Variants in LRBA observed in about 807,000 individuals in gnomAD.
The protein encoded by LRBA is lipopolysaccharide-responsive and beige-like anchor protein.
LRBA carries 176 observed loss-of-function variants against 330.0 expected under a neutral mutation model. The observed-to-expected ratio is 0.53, with a 90% CI of 0.47 to 0.60. LRBA has a LOEUF of 0.60. Ranked by LOEUF, LRBA falls within the 20% of genes least tolerant of loss-of-function variation. The pLI, the probability that LRBA is intolerant of heterozygous loss-of-function variation, is 0.00. For missense variants in LRBA, 3,259 were observed against 3,444.8 expected (o/e 0.95, Z 1.35); for synonymous variants, 1,230 against 1,193.0 (o/e 1.03, Z -0.64).
intron 43 of LRBA, among the ~76,000 whole-genome samples, chr4:150,470,668 A>G (rs1314561390): frequency 6.6e-6 from 1 of 151,788 alleles, no homozygotes. Context: ...TTGCACCACC[A>G]TTTTCCCACT....
intron 56 of LRBA, among the ~76,000 whole-genome samples, chr4:150,276,707 A>T (rs1337918738): frequency 6.6e-6 from 1 of 152,252 alleles, no homozygotes; most frequent in East Asian, 1.9e-4. Context: ...GAGAAATGCA[A>T]ATCAAAACCA....
chr4:150,472,551 TTTC>T (rs1461586633), intron 42 of LRBA, among the ~76,000 whole-genome samples: 4 of 152,166 alleles, frequency 2.6e-5, no homozygotes, highest in Non-Finnish European at 1.5e-5. Flanking sequence ...TTTAGAACAT[TTTC>T]TTCATCTCTT....
Position 150,418,389 on chromosome 4 carries a change from T to C in LRBA, c.7042-2799A>G, listed in dbSNP as rs557359035. On this transcript the variant is annotated intron_variant, in intron 46 of 56. Transcript: ENST00000651943. Reference sequence around the variant, plus strand: ...TCAATTAGTTAAACTAGAAATTAAATGGAGCAAAACCACCCATAAAACAAA... The same window carrying C: ...TCAATTAGTTAAACTAGAAATTAAACGGAGCAAAACCACCCATAAAACAAA... 4.6e-5 allele frequency among the ~76,000 whole-genome samples: 7 copies of C among 152,268 alleles called. No individual in the cohort carries two copies. The East Asian group carries it at 1.3e-3, about 29-fold the overall frequency.
At chr4:150,723,369 C>A (rs1463940658) in intron 36 of LRBA, among the ~76,000 whole-genome samples, 1 of 152,152 alleles carries the variant, frequency 6.6e-6, no homozygotes, top group Non-Finnish European at 1.5e-5. Context: ...CCAGCTCAGC[C>A]ACAGTAGGAT....
At chr4:150,973,148 CTGTT>C (rs3033033) in intron 2 of LRBA, among the ~76,000 whole-genome samples, 2,563 of 149,566 alleles carry the variant, frequency 0.017, 46 homozygotes, top group Admixed American at 0.037. Context: ...TTTTGTCTGT[CTGTT>C]TGTTTGTTTG....
intron 37 of LRBA, among the ~76,000 whole-genome samples, chr4:150,656,220 G>A (rs896943789): frequency 5.9e-5 from 9 of 152,232 alleles, no homozygotes; most frequent in Non-Finnish European, 1.2e-4. Flanking sequence ...ATTTTGTTAG[G>A]CTTCTCAGCC....
Position 150,852,577 on chromosome 4 carries a change from C to A in LRBA, c.3133G>T (p.Ala1045Ser). 6.2e-7 allele frequency: 1 copy of A among 1,613,968 alleles called. No individual in the cohort carries two copies. The highest frequency in any genetic ancestry group is 8.5e-7 in the Non-Finnish European group (1 of 1,179,992). Residue 1045 changes from alanine to serine, a missense_variant, in exon 23 of 57, where the codon GCA becomes TCA. Physicochemically the swap from Ala to Ser is moderately conservative, Grantham distance 99. Coordinates refer to ENST00000651943, the MANE Select transcript of LRBA (RefSeq NM_001364905.1). ...TCAGAAGATACTTCTAAATCATCTGCATTCCTTGTCTCATTTGTCAGTGTT... is the reference window on the plus strand; with the variant it reads ...TCAGAAGATACTTCTAAATCATCTGAATTCCTTGTCTCATTTGTCAGTGTT... ...EETLTNETRNADDLEVSSDII... is the reference protein window; with the variant it reads ...EETLTNETRNSDDLEVSSDII...
At chr4:150,768,275 G>GA (rs770943654) in intron 34 of LRBA, among the ~76,000 whole-genome samples, 1 of 152,006 alleles carries the variant, frequency 6.6e-6, no homozygotes, top group South Asian at 2.1e-4. Flanking sequence ...CAAAGTAGAG[G>GA]AATCAACATG....
chr4:150,623,188 G>A (rs1430236849), intron 37 of LRBA, among the ~76,000 whole-genome samples: 1 of 152,140 alleles, frequency 6.6e-6, no homozygotes, highest in Non-Finnish European at 1.5e-5. Flanking sequence ...AATCTTTCCT[G>A]GCGGTACATT....
chr4:150,674,122 T>C (rs1343122613), intron 37 of LRBA, among the ~76,000 whole-genome samples: 1 of 151,974 alleles, frequency 6.6e-6, no homozygotes, highest in Non-Finnish European at 1.5e-5. Context: ...CCATTTTATA[T>C]ATTGGGGTTC....
intron 29 of LRBA, among the ~76,000 whole-genome samples, chr4:150,830,813 AGTT>A (rs1192182867): frequency 8.1e-6 from 1 of 123,032 alleles, no homozygotes; most frequent in Non-Finnish European, 1.6e-5. Context: ...CCCAGGCTGG[AGTT>A]GTTGTGGTGG....
At chr4:150,512,717 GAAAA>G (rs370203536) in intron 40 of LRBA, among the ~76,000 whole-genome samples, 27,895 of 100,544 alleles carry the variant, frequency 0.28, 3,295 homozygotes, top group Non-Finnish European at 0.35. Flanking sequence ...TGCTTTTTGA[GAAAA>G]AAAAAAAAAA....
chr4:150,537,428 C>T (rs1466401164), intron 40 of LRBA, among the ~76,000 whole-genome samples: 1 of 152,108 alleles, frequency 6.6e-6, no homozygotes, highest in Non-Finnish European at 1.5e-5. Context: ...AAAGAACTTA[C>T]AACCAAGTCC....
At chr4:150,973,719 A>T (rs1237640511) in intron 2 of LRBA, among the ~76,000 whole-genome samples, 1 of 152,184 alleles carries the variant, frequency 6.6e-6, no homozygotes, top group African/African-American at 2.4e-5. Context: ...ATGACCAGAC[A>T]TGGTGGCTTG....
chr4:150,301,204 T>C (rs888266618), intron 53 of LRBA, among the ~76,000 whole-genome samples: 1 of 152,112 alleles, frequency 6.6e-6, no homozygotes, highest in Non-Finnish European at 1.5e-5. Flanking sequence ...ATTGTGTTCA[T>C]GATGAAAAGA....
At chr4:150,991,046 C>CT (rs1229394107) in intron 2 of LRBA, among the ~76,000 whole-genome samples, 1 of 135,526 alleles carries the variant, frequency 7.4e-6, no homozygotes, top group East Asian at 2.3e-4. Context: ...AAGTGAGACT[C>CT]TGTCTCCAAA....
Position 150,828,182 on chromosome 4 carries a change from G to A in LRBA, c.5169C>T (p.Asp1723=). ...AAACGAAAAACTATTATCAGTACCT[G>A]TCAAAAGATCTGAACTGCACGGGTT... ...VEQPVQFRSF[D]RSVIVAAKKS... Residue 1723 remains aspartate, a splice_region_variant and synonymous_variant, in exon 30 of 57, where the codon GAC becomes GAT. Transcript: ENST00000651943. 6.2e-7 allele frequency: 1 copy of A among 1,613,340 alleles called. No homozygotes were observed.
intron 27 of LRBA, among the ~76,000 whole-genome samples, 187 bp from the exon 28 acceptor site, chr4:150,844,394 G>T (rs1749545235): frequency 6.6e-6 from 1 of 151,928 alleles, no homozygotes; most frequent in Non-Finnish European, 1.5e-5. Flanking sequence ...GAGAAAGATG[G>T]CATGCAGGAA....
chr4:150,315,562 T>G lies in LRBA; in HGVS notation c.7692A>C (p.Ile2564=). The G allele has an allele frequency of 1.2e-6, 2 of 1,611,638 alleles. No homozygotes were observed. The highest frequency in any genetic ancestry group is 1.7e-6 in the Non-Finnish European group (2 of 1,178,132). ...CAAAGAGAGAAGGAAGTGACAGACCTATGAGAGGATCGATTTCCACTGGCA... is the reference window on the plus strand; with the variant it reads ...CAAAGAGAGAAGGAAGTGACAGACCGATGAGAGGATCGATTTCCACTGGCA... The part of the protein sequence containing the change: ...YQLPVEIDPL[I]ASNTGMHRRQ... Residue 2564 remains isoleucine, a splice_region_variant and synonymous_variant, in exon 51 of 57, where the codon ATA becomes ATC. Coordinates refer to ENST00000651943, the MANE Select transcript of LRBA (RefSeq NM_001364905.1).
Sources: gnomAD v4.1 joint callset for allele counts (sites outside exome capture counted in the v4.1 genomes callset) on GRCh38, gnomAD v4.1.1 for gene constraint, MANE v1.5 for transcripts, NCBI Gene and HGNC (gene_info 2026-07-23, HGNC 2026-07-21) for gene names.